CCDC171: variants seen among roughly 807,000 people sequenced by gnomAD.
The protein encoded by CCDC171 is coiled-coil domain-containing protein 171.
In CCDC171, 177 loss-of-function variants were observed where a neutral mutation model predicts 168.2. The observed-to-expected ratio is 1.05, with a 90% CI of 0.93 to 1.19. The LOEUF is 1.19. Ranked by LOEUF, CCDC171 falls within the 50% of genes most tolerant of loss-of-function variation. The pLI is 0.00. For missense variants in CCDC171, 1,991 were observed against 1,539.0 expected (o/e 1.29, Z -4.91); for synonymous variants, 687 against 540.8 (o/e 1.27, Z -3.75).
rs1406556343 is a variant in CCDC171, at chr9:15,819,465, C to T, written c.3268-27237C>T. The stretch of plus-strand genomic sequence containing the variant: ...AACCCATCTCACGTGCAGAGACACC[C>T]ATAGACTCAAAATAAAGGGATGGAG... On this transcript the variant is annotated intron_variant, in intron 21 of 25. Transcript: ENST00000380701. 2.6e-5 allele frequency among the ~76,000 whole-genome samples: 3 copies of T among 116,710 alleles called. 1 individual carries two copies. The highest frequency in any genetic ancestry group is 5.8e-5 in the Non-Finnish European group (3 of 52,142). The allele number at this position is 116,710 out of a possible 152,430, so 76.6% of individuals were successfully genotyped here. A position where few individuals can be genotyped will look rare whatever the true frequency, so the allele number is the denominator to read the frequency against.
At chr9:15,663,609 T>C (rs1451424967) in intron 8 of CCDC171, among the ~76,000 whole-genome samples, 13 of 5,598 alleles carry the variant, frequency 2.3e-3, no homozygotes, top group South Asian at 0.05. Flanking sequence ...TTTTTTTTTC[T>C]TTTTTTTTTT....
At chr9:15,724,546 A>T (rs867574344) in intron 13 of CCDC171, among the ~76,000 whole-genome samples, 1 of 152,252 alleles carries the variant, frequency 6.6e-6, no homozygotes, top group Non-Finnish European at 1.5e-5. Context: ...CATCATATTA[A>T]CATTTTATGT....
intron 25 of CCDC171, among the ~76,000 whole-genome samples, chr9:15,933,974 G>C (rs888569433): frequency 1.3e-5 from 2 of 151,942 alleles, no homozygotes; most frequent in Non-Finnish European, 2.9e-5. Context: ...TATCAAGACA[G>C]TGAAAAGACA....
chr9:15,875,366 C>G (rs1817703101), intron 24 of CCDC171: 1 of 151,726 alleles, frequency 6.6e-6, no homozygotes. Context: ...TTTTATGTCA[C>G]TATTGTATTA....
At chr9:15,742,688 T>C (rs542955963) in intron 16 of CCDC171, among the ~76,000 whole-genome samples, 136 of 152,368 alleles carry the variant, frequency 8.9e-4, no homozygotes, top group Non-Finnish European at 1.7e-3. Flanking sequence ...AAAGTTTAAG[T>C]GCCCTTTTGT....
chr9:15,668,076 G>A (rs191522239), intron 9 of CCDC171, among the ~76,000 whole-genome samples: 5 of 152,256 alleles, frequency 3.3e-5, no homozygotes, highest in Non-Finnish European at 5.9e-5. Context: ...TTTGCTTTAA[G>A]GTAATGATTA....
intron 25 of CCDC171, among the ~76,000 whole-genome samples, chr9:15,949,141 G>A (rs1356066551): frequency 6.6e-6 from 1 of 151,958 alleles, no homozygotes; most frequent in East Asian, 1.9e-4. Flanking sequence ...GTAGATATGT[G>A]GCATTATTTC....
chr9:16,055,639 G>T (rs919103755), intron 1 of CCDC171, among the ~76,000 whole-genome samples: 85 of 152,236 alleles, frequency 5.6e-4, no homozygotes, highest in African/African-American at 2.0e-3. Flanking sequence ...CAAATGAAAC[G>T]TGTAATTTCT....
At chr9:16,072,953 G>A in the CCDC171 span, among the ~76,000 whole-genome samples, 1 of 152,102 alleles carries the variant, frequency 6.6e-6, no homozygotes, top group Non-Finnish European at 1.5e-5. Flanking sequence ...TTAATTAGTG[G>A]ACAAATAAGA....
Position 15,852,812 on chromosome 9 carries a change from G to A in CCDC171, c.3468+3865G>A, listed in dbSNP as rs1408697108. 2.6e-5 allele frequency among the ~76,000 whole-genome samples: 4 copies of A among 151,446 alleles called. No homozygotes were observed. In the Admixed American group the frequency reaches 2.6e-4, roughly 10 times the overall value. Reference sequence around the variant, plus strand: ...TTTATATGGCAATCCAATTATTCCAGCACCATTTGTTGAAAAGGATGTTCT... The same window carrying A: ...TTTATATGGCAATCCAATTATTCCAACACCATTTGTTGAAAAGGATGTTCT... On this transcript the variant is annotated intron_variant, in intron 23 of 25. Coordinates refer to ENST00000380701, the MANE Select transcript of CCDC171 (RefSeq NM_173550.4).
At chr9:15,978,785 A>G (rs1004790224), downstream of CCDC171, among the ~76,000 whole-genome samples, 9 of 152,176 alleles carry the variant, frequency 5.9e-5, no homozygotes, top group African/African-American at 2.2e-4. Flanking sequence ...AAAGTATACA[A>G]TCCACAGTTT....
intron 16 of CCDC171, among the ~76,000 whole-genome samples, chr9:15,732,389 T>G (rs1463866790): frequency 6.6e-6 from 1 of 152,108 alleles, no homozygotes; most frequent in East Asian, 1.9e-4. Context: ...TTTTTCCCTC[T>G]TCATTTATTG....
intron 24 of CCDC171, among the ~76,000 whole-genome samples, chr9:15,904,134 T>A (rs1359327316): frequency 2.0e-5 from 3 of 152,148 alleles, no homozygotes; most frequent in East Asian, 1.9e-4. Flanking sequence ...CTCCCCAATC[T>A]AGCAAGACAG....
intron 1 of CCDC171, among the ~76,000 whole-genome samples, chr9:15,561,148 T>C (rs974752122): frequency 6.6e-6 from 1 of 152,198 alleles, no homozygotes; most frequent in African/African-American, 2.4e-5. Context: ...CTTTAAGCCC[T>C]GGTTTCCTCA....
At chr9:15,742,123 A>G (rs2054920286) in intron 16 of CCDC171, among the ~76,000 whole-genome samples, 1 of 152,088 alleles carries the variant, frequency 6.6e-6, no homozygotes, top group African/African-American at 2.4e-5. Context: ...TGAAGAGAAT[A>G]TGGAATCAAC....
chr9:15,810,655 C>A (rs546456712), intron 21 of CCDC171, among the ~76,000 whole-genome samples: 2 of 152,146 alleles, frequency 1.3e-5, no homozygotes, highest in Non-Finnish European at 2.9e-5. Flanking sequence ...GGTGCTAAGC[C>A]CCTCCCTGCC....
At chr9:16,057,352 T>C (rs1402091398) in intron 1 of CCDC171, among the ~76,000 whole-genome samples, 1 of 152,238 alleles carries the variant, frequency 6.6e-6, no homozygotes, top group Non-Finnish European at 1.5e-5. Flanking sequence ...CAGTTTCTGA[T>C]AAACGGTAGT....
chr9:15,723,240 A>T (rs1424883858), intron 12 of CCDC171, among the ~76,000 whole-genome samples: 1 of 152,196 alleles, frequency 6.6e-6, no homozygotes, highest in Non-Finnish European at 1.5e-5. Context: ...TGAAGTTGTC[A>T]TATGGAGTGA....
intron 24 of CCDC171, among the ~76,000 whole-genome samples, chr9:15,918,636 G>T (rs1824878736): frequency 6.6e-6 from 1 of 151,288 alleles, no homozygotes; most frequent in Non-Finnish European, 1.5e-5. Context: ...AAGGAAGATA[G>T]GTTAGGATAT....
Sources: allele counts gnomAD v4.1 joint callset (sites outside exome capture counted in the v4.1 genomes callset), GRCh38; gene constraint gnomAD v4.1.1; transcripts MANE v1.5; gene names NCBI Gene and HGNC (gene_info 2026-07-23, HGNC 2026-07-21).